TAF7L: variants seen among roughly 807,000 people sequenced by gnomAD.
TAF7L encodes the protein transcription initiation factor TFIID subunit 7-like.
A neutral mutation model predicts 30.2 loss-of-function variants in TAF7L; 6 were observed. That is an observed-to-expected ratio of 0.20 (90% CI 0.11 to 0.39). The LOEUF is 0.39. Among genes scored for constraint, TAF7L ranks in the 10% least tolerant of loss-of-function variants. The pLI is 1.00. For missense variants in TAF7L, 284 were observed against 277.1 expected (o/e 1.03, Z -0.18); for synonymous variants, 93 against 94.5 (o/e 0.98, Z 0.09).
At chrX:101,269,350 TA>T (rs1217563344) in intron 12 of TAF7L, 113 bp from the exon 13 acceptor site, 1 of 665,234 alleles carries the variant, frequency 1.5e-6, no homozygotes, top group Non-Finnish European at 2.4e-6. Context: ...TTGGCATTTA[TA>T]AGGTTATCTT....
chrX:101,279,254 T>C (rs1924319533), intron 6 of TAF7L, among the ~76,000 whole-genome samples: 1 of 112,188 alleles, frequency 8.9e-6, no homozygotes, highest in Non-Finnish European at 1.9e-5. Flanking sequence ...ACAAGTTTAA[T>C]GTAATTCCTG....
In TAF7L at chrX:101,290,852, T is replaced by C. The variant is rs148175442; in HGVS notation, c.-3+372A>G. 2.7e-3 allele frequency among the ~76,000 whole-genome samples: 299 copies of C among 111,642 alleles called. 2 individuals carry two copies. The highest frequency in any genetic ancestry group is 9.1e-3 in the African/African-American group (280 of 30,733). ...ACTACCATTCACCTCTAGTTCCATC[T>C]CGCTTTAGCAGAATTACAATTGGAA... On this transcript the variant is annotated intron_variant, in intron 1 of 12. Transcript: ENST00000356784.
chrX:101,292,747 A>C (rs776801090), upstream of TAF7L: 169 of 1,182,707 alleles, frequency 1.4e-4, no homozygotes, highest in Middle Eastern at 3.3e-4. Context: ...TTTCTCCGAA[A>C]GAAGGTCCTC....
At chrX:101,292,418 A>T (rs1238275323), upstream of TAF7L, among the ~76,000 whole-genome samples, 1 of 86,504 alleles carries the variant, frequency 1.2e-5, no homozygotes, top group East Asian at 3.9e-4. Flanking sequence ...CAGCCTGGGC[A>T]ACAAGAGCGA....
Position 101,281,710 on chromosome X carries a change from T to A in TAF7L, c.462+10A>T. On this transcript the variant is annotated intron_variant, in intron 6 of 12. Transcript: ENST00000356784. The stretch of plus-strand genomic sequence containing the variant: ...CGGCCCGGCAGACACACAAATAGCA[T>A]GTAACTAACCTTTTTTTGTGTTTTC... The A allele has an allele frequency of 8.3e-7, 1 of 1,209,478 alleles. No individual in the cohort carries two copies. The highest frequency in any genetic ancestry group is 1.1e-6 in the Non-Finnish European group (1 of 893,681).
At chrX:101,292,278 T>A (rs7882254), upstream of TAF7L, among the ~76,000 whole-genome samples, 1 of 92,002 alleles carries the variant, frequency 1.1e-5, no homozygotes, top group Non-Finnish European at 2.1e-5. Context: ...ATAAAAATAA[T>A]AATAATAATA....
At chrX:101,285,600 C>CT (rs141431193) in intron 3 of TAF7L, among the ~76,000 whole-genome samples, 1,730 of 91,243 alleles carry the variant, frequency 0.019, 22 homozygotes, top group Admixed American at 0.038. Flanking sequence ...TGTTATTGTT[C>CT]TTTTTTTTTT....
intron 6 of TAF7L, among the ~76,000 whole-genome samples, chrX:101,279,320 AT>A (rs2147374947): frequency 8.9e-6 from 1 of 112,328 alleles, no homozygotes; most frequent in South Asian, 3.6e-4. Context: ...TAAAATTTAT[AT>A]TAAAAGATAC....
chrX:101,281,892 T>C (rs1356121838), intron 5 of TAF7L, 117 bp from the exon 6 acceptor site: 47 of 691,438 alleles, frequency 6.8e-5, no homozygotes, highest in Non-Finnish European at 9.4e-5. Flanking sequence ...CTCCTTTTTT[T>C]TTTTTTTTTT....
Position 101,279,049 on chromosome X carries a change from CACAATAA to C in TAF7L, c.463-21_463-15del. The C allele has an allele frequency of 4.2e-6, 5 of 1,179,316 alleles. No homozygotes were observed. Among genetic ancestry groups the C allele is most frequent in the Non-Finnish European group, 5.8e-6 (5 of 867,827 alleles). The stretch of plus-strand genomic sequence containing the variant: ...GACATCAGGGACCTATGAAATAAAA[CACAATAA>C]ACAAGTTATATTATGATACCTATAT... On this transcript the variant is annotated splice_polypyrimidine_tract_variant and intron_variant, in intron 6 of 12. Transcript: ENST00000356784.
At chrX:101,289,102 A>AT (rs1924713088) in intron 1 of TAF7L, among the ~76,000 whole-genome samples, 1 of 111,939 alleles carries the variant, frequency 8.9e-6, no homozygotes, top group African/African-American at 3.3e-5. Flanking sequence ...CTCTGCTTCT[A>AT]TGAGTTCAAT....
At chrX:101,269,372 T>C in intron 12 of TAF7L, 135 bp from the exon 13 acceptor site, 1 of 556,474 alleles carries the variant, frequency 1.8e-6, no homozygotes, top group South Asian at 3.6e-5. Flanking sequence ...AGTCTTGCAA[T>C]GTTCCAGAGA....
At chrX:101,278,198 T>TGCA in intron 7 of TAF7L, 77 bp from the exon 8 acceptor site, 4 of 779,255 alleles carry the variant, frequency 5.1e-6, no homozygotes, top group African/African-American at 2.0e-5. Flanking sequence ...AGTGCCCTCC[T>TGCA]ACGTACCAAC....
intron 9 of TAF7L, among the ~76,000 whole-genome samples, chrX:101,277,151 C>CAA (rs35984328): frequency 0.015 from 240 of 15,972 alleles, 18 homozygotes; most frequent in African/African-American, 0.05. Context: ...GACTCTGTCT[C>CAA]AAAAAAAAAA....
intron 1 of TAF7L, among the ~76,000 whole-genome samples, chrX:101,288,228 G>A (rs762623794): frequency 8.6e-4 from 92 of 106,761 alleles, no homozygotes; most frequent in African/African-American, 2.8e-3. Context: ...TGCAACCTCC[G>A]CCTCCCAGGT....
chrX:101,277,795 C>T, intron 8 of TAF7L, 76 bp from the exon 9 acceptor site: 1 of 731,620 alleles, frequency 1.4e-6, no homozygotes, highest in South Asian at 2.4e-5. Context: ...GGCTCTTTGG[C>T]TAACAGTGCT....
intron 12 of TAF7L, 34 bp from the exon 13 acceptor site, chrX:101,269,271 AT>A: frequency 8.7e-7 from 1 of 1,151,229 alleles, no homozygotes; most frequent in South Asian, 1.9e-5. Context: ...TGAAAAATTC[AT>A]TTGAAATTTG....
In TAF7L at chrX:101,282,137, C is replaced by T. The variant is rs747251109; in HGVS notation, c.406+190G>A. Among the ~76,000 whole-genome samples the T allele has an allele frequency of 1.1e-4, 12 of 111,077 alleles. 1 individual carries two copies. The highest frequency in any genetic ancestry group is 3.8e-4 in the South Asian group (1 of 2,605). The stretch of plus-strand genomic sequence containing the variant: ...CTGACCTCAGGTGATCCACCCGCCT[C>T]GGCCTCCCAAAGTGCTGGGATTACA... On this transcript the variant is annotated intron_variant, in intron 5 of 12. Transcript: ENST00000356784.
chrX:101,275,982 T>A lies in TAF7L; in HGVS notation c.1026+18A>T, dbSNP rs1176419014. 9.0e-7 allele frequency: 1 copy of A among 1,113,075 alleles called. No individual in the cohort carries two copies. Among genetic ancestry groups the A allele is most frequent in the Non-Finnish European group, 1.2e-6 (1 of 822,849 alleles). The allele number at this position is 1,113,075 out of a possible 1,213,427, so 91.7% of individuals were successfully genotyped here. On this transcript the variant is annotated intron_variant, in intron 11 of 12. Transcript: ENST00000356784. Reference sequence around the variant, plus strand: ...AAAGTAAGATATCAGGATTTCTTTATGCCAGCCAAGAATTTACCTTGAGTG... The same window carrying A: ...AAAGTAAGATATCAGGATTTCTTTAAGCCAGCCAAGAATTTACCTTGAGTG...
Sources: gnomAD v4.1 joint callset for allele counts (sites outside exome capture counted in the v4.1 genomes callset) on GRCh38, gnomAD v4.1.1 for gene constraint, MANE v1.5 for transcripts, NCBI Gene and HGNC (gene_info 2026-07-23, HGNC 2026-07-21) for gene names.